Variants in COMMD8 observed in about 807,000 individuals in gnomAD.
COMMD8 encodes COMM domain containing 8, also known as COMM domain-containing protein 8.
Under a neutral mutation model 27.2 loss-of-function variants are expected in COMMD8, and 28 were observed. The ratio of observed to expected loss-of-function variants is 1.03; its 90% CI spans 0.76 to 1.41. COMMD8 has a LOEUF of 1.41. Ranked by LOEUF, COMMD8 falls within the 40% of genes most tolerant of loss-of-function variation. COMMD8 has a pLI of 0.00. For synonymous variants in COMMD8, 79 were observed against 75.5 expected (o/e 1.05, Z -0.24); for missense variants, 217 against 211.2 (o/e 1.03, Z -0.17).
intron 1 of COMMD8, among the ~76,000 whole-genome samples, chr4:47,460,542 G>GA (rs35696589): frequency 6.6e-6 from 1 of 151,916 alleles, no homozygotes; most frequent in South Asian, 2.1e-4. Context: ...ATTACATAAT[G>GA]AAAAAACTAA....
intron 3 of COMMD8, among the ~76,000 whole-genome samples, chr4:47,455,146 T>C (rs1729855933): frequency 6.6e-6 from 1 of 151,936 alleles, no homozygotes; most frequent in Admixed American, 6.6e-5. Context: ...CCCAAGTAGC[T>C]GGGACTACAG....
chr4:47,463,606 G>A lies in COMMD8; in HGVS notation c.46C>T (p.Pro16Ser), dbSNP rs1456676534. 27 of 1,546,874 alleles carry A rather than the reference G, an allele frequency of 1.7e-5. No homozygotes were observed. In the Admixed American group the frequency reaches 2.0e-4, roughly 11 times the overall value. ...GTPLWRLQKL[P>S]AELGPQLLHK... ...CTCACCTGCGGGCCCAGCTCGGCCG[G>A]CAGCTTCTGCAGCCGCCACAAGGGC... Residue 16 changes from proline (P) to serine (S), a missense_variant, in exon 1 of 5, where the codon CCG becomes TCG. By Grantham distance (74) the Pro-to-Ser change is moderately conservative. Coordinates refer to ENST00000381571, the MANE Select transcript of COMMD8 (RefSeq NM_017845.5).
At chr4:47,457,714 C>T (rs986201966) in intron 2 of COMMD8, among the ~76,000 whole-genome samples, 2 of 151,460 alleles carry the variant, frequency 1.3e-5, no homozygotes, top group Non-Finnish European at 2.9e-5. Context: ...AATTAAGTAG[C>T]ACAACACTAA....
intron 2 of COMMD8, among the ~76,000 whole-genome samples, chr4:47,457,934 A>T (rs757970737): frequency 1.3e-5 from 2 of 150,938 alleles, no homozygotes; most frequent in Non-Finnish European, 2.9e-5. Context: ...GAGATATATA[A>T]AAAAAAAGAT....
chr4:47,454,297 C>T (rs1729831490), intron 3 of COMMD8, among the ~76,000 whole-genome samples: 1 of 152,102 alleles, frequency 6.6e-6, no homozygotes, highest in African/African-American at 2.4e-5. Flanking sequence ...GTCTCTGGAG[C>T]CACAAAGCAT....
At chr4:47,462,366 G>T (rs554406064) in intron 1 of COMMD8, among the ~76,000 whole-genome samples, 1 of 152,098 alleles carries the variant, frequency 6.6e-6, no homozygotes, top group Non-Finnish European at 1.5e-5. Context: ...CAGGTTGAGA[G>T]GGGCTGGGTG....
At chr4:47,458,339 C>T (rs1298792898) in intron 2 of COMMD8, among the ~76,000 whole-genome samples, 1 of 151,904 alleles carries the variant, frequency 6.6e-6, no homozygotes, top group Non-Finnish European at 1.5e-5. Context: ...ACAATCTCCC[C>T]CCAAAAAATC....
At chr4:47,456,876 T>G in intron 2 of COMMD8, 147 bp from the exon 3 acceptor site, 2 of 593,594 alleles carry the variant, frequency 3.4e-6, no homozygotes, top group Non-Finnish European at 5.4e-6. Flanking sequence ...TGAGAATGAA[T>G]AACCAGAAAA....
In COMMD8 at chr4:47,460,212, T is replaced by C. The variant is rs1426488260; in HGVS notation, c.154A>G (p.Met52Val). 6.2e-7 allele frequency: 1 copy of C among 1,613,576 alleles called. No individual in the cohort carries two copies. The highest frequency in any genetic ancestry group is 8.5e-7 in the Non-Finnish European group (1 of 1,179,692). Residue 52 changes from methionine (M) to valine (V), a missense_variant, in exon 2 of 5, where the codon ATG (methionine) becomes GTG (valine). Coordinates refer to ENST00000381571, the MANE Select transcript of COMMD8 (RefSeq NM_017845.5). The part of the protein sequence containing the change: ...YHTVWESEEW[M>V]HVLEDIAKFF... ...TTGGCAATATCTTCTAAAACGTGCA[T>C]CCATTCTTCTGATTCCCAAACAGTG...
chr4:47,455,997 G>C (rs1472960160), intron 3 of COMMD8, among the ~76,000 whole-genome samples: 1 of 152,020 alleles, frequency 6.6e-6, no homozygotes, highest in African/African-American at 2.4e-5. Flanking sequence ...TGTAATCCCA[G>C]CACTCTGGTG....
chr4:47,452,909 T>C lies in COMMD8; in HGVS notation c.531+150A>G, dbSNP rs538818404. On this transcript the variant is annotated intron_variant, in intron 4 of 4. Transcript: ENST00000381571. Reference sequence around the variant, plus strand: ...TAGTCTGGAGGCTCAGGCACGAGAATCGCTTGAACTCGGGAGGCGGAGGTT... The same window carrying C: ...TAGTCTGGAGGCTCAGGCACGAGAACCGCTTGAACTCGGGAGGCGGAGGTT... The C allele has an allele frequency of 2.4e-5, 14 of 581,688 alleles. No homozygotes were observed. The African/African-American group carries it at 2.4e-4, about 10-fold the overall frequency. The allele number at this position is 581,688 out of a possible 1,614,324, so 36.0% of individuals were successfully genotyped here.
Position 47,463,659 on chromosome 4 carries a change from C to T in COMMD8, c.-8G>A, listed in dbSNP as rs930717272. 4.8e-5 allele frequency: 75 copies of T among 1,547,728 alleles called. No individual in the cohort carries two copies. Among genetic ancestry groups the T allele is most frequent in the Non-Finnish European group, 6.4e-5 (73 of 1,145,534 alleles). ...CCCCTCTTCCGGCTCCATCCCTGCG[C>T]GAAGCTGGGGCTTGGGTCACGTGTC... On this transcript the variant is annotated 5_prime_UTR_variant, in exon 1 of 5. Coordinates refer to ENST00000381571, the MANE Select transcript of COMMD8 (RefSeq NM_017845.5).
chr4:47,457,107 T>C (rs1437106760), intron 2 of COMMD8, among the ~76,000 whole-genome samples: 1 of 152,240 alleles, frequency 6.6e-6, no homozygotes, highest in Non-Finnish European at 1.5e-5. Context: ...GTAGGGATGC[T>C]GCACTGGTGA....
chr4:47,463,603 C>G lies in COMMD8; in HGVS notation c.49G>C (p.Ala17Pro), dbSNP rs35444219. 5,324 of 1,546,668 alleles carry G rather than the reference C, an allele frequency of 3.4e-3. 176 individuals are homozygous for G. In the African/African-American group the frequency reaches 0.064, roughly 19 times the overall value. ...TPLWRLQKLP[A>P]ELGPQLLHKI... ...GCCCTCACCTGCGGGCCCAGCTCGG[C>G]CGGCAGCTTCTGCAGCCGCCACAAG... The change falls in exon 1 of 5, where the codon GCC becomes CCC. Residue 17 changes from alanine (A) to proline (P), a missense_variant. Ala to Pro is a conservative substitution (Grantham distance 27, BLOSUM62 -1). Coordinates refer to ENST00000381571, the MANE Select transcript of COMMD8 (RefSeq NM_017845.5).
intron 2 of COMMD8, among the ~76,000 whole-genome samples, chr4:47,459,491 T>G (rs554768338): frequency 7.9e-5 from 12 of 152,010 alleles, no homozygotes; most frequent in Non-Finnish European, 1.5e-4. Flanking sequence ...CTACTTGTAA[T>G]AATGAAAGAA....
chr4:47,457,744 C>T (rs1361263489), intron 2 of COMMD8, among the ~76,000 whole-genome samples: 1 of 151,740 alleles, frequency 6.6e-6, no homozygotes, highest in African/African-American at 2.4e-5. Flanking sequence ...GTCAATCTCA[C>T]TTATTCTTCC....
chr4:47,458,158 T>C (rs1729938789), intron 2 of COMMD8, among the ~76,000 whole-genome samples: 1 of 152,090 alleles, frequency 6.6e-6, no homozygotes, highest in Non-Finnish European at 1.5e-5. Flanking sequence ...ATTACAGAGC[T>C]AACATACTAA....
intron 1 of COMMD8, among the ~76,000 whole-genome samples, chr4:47,461,828 A>G (rs4356892): frequency 0.5 from 76,357 of 152,086 alleles, 21,546 homozygotes; most frequent in East Asian, 0.77. Flanking sequence ...ATAAGGCCCT[A>G]CCATAACAGA....
intron 1 of COMMD8, 90 bp downstream of exon 1, chr4:47,463,496 A>G (rs1730121719): frequency 7.9e-7 from 1 of 1,265,508 alleles, no homozygotes; most frequent in African/African-American, 1.5e-5. Flanking sequence ...GGAGCTTGCG[A>G]AGGCGTCCGG....
Sources: allele counts gnomAD v4.1 joint callset (sites outside exome capture counted in the v4.1 genomes callset), GRCh38; gene constraint gnomAD v4.1.1; transcripts MANE v1.5; gene names NCBI Gene and HGNC (gene_info 2026-07-23, HGNC 2026-07-21).